ATP11C: variants seen among roughly 807,000 people sequenced by gnomAD.
The protein encoded by ATP11C is ATPase phospholipid transporting 11C (ATP11C blood group).
In ATP11C, 36 loss-of-function variants were observed where a neutral mutation model predicts 97.4. The observed-to-expected ratio is 0.37, with a 90% CI of 0.28 to 0.49. The LOEUF (loss-of-function observed/expected upper bound fraction) is 0.49. Ranked by LOEUF, ATP11C falls within the 20% of genes least tolerant of loss-of-function variation. The probability of loss-of-function intolerance (pLI) is 0.98; values close to 1 mark genes in which losing one functional copy is unlikely to be tolerated. For synonymous variants in ATP11C, 275 were observed against 290.9 expected (o/e 0.95, Z 0.56); for missense variants, 730 against 824.6 (o/e 0.89, Z 1.40).
intron 22 of ATP11C, among the ~76,000 whole-genome samples, chrX:139,759,878 G>T (rs185896798): frequency 9.0e-4 from 101 of 111,920 alleles, no homozygotes; most frequent in African/African-American, 3.1e-3. Context: ...CTTCCATCTG[G>T]TGGCAGTTGC....
chrX:139,875,231 C>CAGTA (rs1158902136), intron 1 of ATP11C, among the ~76,000 whole-genome samples: 2 of 110,598 alleles, frequency 1.8e-5, no homozygotes, highest in Non-Finnish European at 3.8e-5. Flanking sequence ...TAGCCAAGAA[C>CAGTA]AGTAAAACAC....
chrX:139,866,345 A>AAAAAAAAAAAAAAAAAC, intron 1 of ATP11C, among the ~76,000 whole-genome samples: 1 of 79,861 alleles, frequency 1.3e-5, no homozygotes, highest in East Asian at 3.3e-4. Context: ...CTCTGTCTCA[A>AAAAAAAAAAAAAAAAAC]AAAAAAAAAA....
At chrX:139,763,463 A>T (rs1401468637) in intron 20 of ATP11C, 45 bp from the exon 21 acceptor site, 2 of 1,003,802 alleles carry the variant, frequency 2.0e-6, no homozygotes, top group Non-Finnish European at 2.8e-6. Context: ...TCAAAGAAGA[A>T]TGTAAGACTG....
At chrX:139,803,888 A>G (rs942844615) in intron 6 of ATP11C, among the ~76,000 whole-genome samples, 14 of 106,570 alleles carry the variant, frequency 1.3e-4, no homozygotes, top group African/African-American at 4.8e-4. Flanking sequence ...TTTAGTAGAG[A>G]CAGGGTTTCA....
chrX:139,822,558 C>T (rs775107726), intron 2 of ATP11C, among the ~76,000 whole-genome samples: 1 of 111,446 alleles, frequency 9.0e-6, no homozygotes, highest in Non-Finnish European at 1.9e-5. Flanking sequence ...GAATTACAGG[C>T]ATACGCCAAC....
At chrX:139,847,024 GC>G (rs964441198) in intron 1 of ATP11C, among the ~76,000 whole-genome samples, 57 of 110,161 alleles carry the variant, frequency 5.2e-4, no homozygotes, top group Non-Finnish European at 1.3e-4. Context: ...ACTGCTCTGG[GC>G]TTCCTTCTTC....
At chrX:139,906,619 TAAAAATACA>T (rs956385949) in intron 1 of ATP11C, among the ~76,000 whole-genome samples, 15 of 108,316 alleles carry the variant, frequency 1.4e-4, no homozygotes, top group Non-Finnish European at 2.7e-4. Flanking sequence ...CCGTCTCTAC[TAAAAATACA>T]AAAATTAGCC....
intron 1 of ATP11C, 41 bp downstream of exon 1, chrX:139,931,975 A>G (rs979722456): frequency 2.6e-6 from 3 of 1,149,987 alleles, no homozygotes; most frequent in African/African-American, 1.8e-5. Context: ...GCTGGCGAGC[A>G]AGCAAACCGG....
chrX:139,890,837 A>AT (rs1480425834), intron 1 of ATP11C, among the ~76,000 whole-genome samples: 2 of 110,554 alleles, frequency 1.8e-5, no homozygotes, highest in Non-Finnish European at 3.8e-5. Flanking sequence ...CAGACTTGTG[A>AT]TTTTTCCCCA....
chrX:139,902,611 C>A (rs1379289471), intron 1 of ATP11C, among the ~76,000 whole-genome samples: 2 of 112,055 alleles, frequency 1.8e-5, no homozygotes, highest in South Asian at 3.7e-4. Context: ...TGTTTTTAAA[C>A]CTTACGTCAA....
intron 26 of ATP11C, among the ~76,000 whole-genome samples, chrX:139,742,872 AAAAAATATATATATATATAT>A (rs1288517420): frequency 0.027 from 645 of 24,213 alleles, 6 homozygotes; most frequent in East Asian, 0.16. Context: ...ATTAAAAAAA[AAAAAATATATATATATATAT>A]ATATATATAT....
At chrX:139,886,132 TATAAA>T (rs2084637233) in intron 1 of ATP11C, among the ~76,000 whole-genome samples, 1 of 110,551 alleles carries the variant, frequency 9.0e-6, no homozygotes, top group Non-Finnish European at 1.9e-5. Flanking sequence ...ATCCAGAAAA[TATAAA>T]AGAATCTATA....
At chrX:139,873,525 T>C (rs1274785000) in intron 1 of ATP11C, among the ~76,000 whole-genome samples, 4 of 109,012 alleles carry the variant, frequency 3.7e-5, no homozygotes, top group Non-Finnish European at 5.7e-5. Flanking sequence ...CTGGCCAACA[T>C]GGCAAAAACA....
intron 1 of ATP11C, among the ~76,000 whole-genome samples, chrX:139,919,330 C>T (rs1430945053): frequency 1.8e-5 from 2 of 108,361 alleles, no homozygotes; most frequent in Non-Finnish European, 1.9e-5. Flanking sequence ...AAATTAGCTG[C>T]GTGGTGGCGG....
chrX:139,807,243 T>C (rs1031993169), intron 5 of ATP11C, among the ~76,000 whole-genome samples: 1 of 110,469 alleles, frequency 9.1e-6, no homozygotes, highest in Non-Finnish European at 1.9e-5. Context: ...GAATATAGGA[T>C]GTTGCTGAAA....
chrX:139,784,615 T>C (rs1019527046), intron 16 of ATP11C, among the ~76,000 whole-genome samples: 1 of 111,286 alleles, frequency 9.0e-6, no homozygotes, highest in Non-Finnish European at 1.9e-5. Flanking sequence ...CAAACCACCA[T>C]GGTGCCTCCA....
At chrX:139,746,482 C>T (rs1048931243) in intron 24 of ATP11C, among the ~76,000 whole-genome samples, 3 of 112,059 alleles carry the variant, frequency 2.7e-5, no homozygotes, top group African/African-American at 9.7e-5. Flanking sequence ...AGCTAATATA[C>T]AATCCTGGAT....
At position 139,928,738 on chromosome X, in the gene ATP11C, C is replaced by T. The variant is rs139357250; in HGVS notation, c.27+3278G>A. ...TTATGAAACCAAAGCAGTTTAAGGG[C>T]TTCTAGAATCAGAGATTTAAATGTA... On this transcript the variant is annotated intron_variant, in intron 1 of 29. Transcript: ENST00000682941. 4.0e-3 allele frequency among the ~76,000 whole-genome samples: 443 copies of T among 111,701 alleles called. 3 individuals are homozygous for T. Among genetic ancestry groups the T allele is most frequent in the African/African-American group, 0.014 (422 of 30,757 alleles).
chrX:139,865,107 T>C, intron 1 of ATP11C, among the ~76,000 whole-genome samples: 1 of 112,239 alleles, frequency 8.9e-6, no homozygotes, highest in East Asian at 2.8e-4. Context: ...CCAGGCACTG[T>C]GGCTCATGTT....
Sources: allele counts gnomAD v4.1 joint callset (sites outside exome capture counted in the v4.1 genomes callset), GRCh38; gene constraint gnomAD v4.1.1; transcripts MANE v1.5; gene names NCBI Gene and HGNC (gene_info 2026-07-23, HGNC 2026-07-21).